NTRK2: variants seen among roughly 807,000 people sequenced by gnomAD.
The protein encoded by NTRK2 is BDNF/NT-3 growth factors receptor.
NTRK2 carries 13 observed loss-of-function variants against 94.5 expected under a neutral mutation model. The ratio of observed to expected loss-of-function variants is 0.14; its 90% CI spans 0.09 to 0.22. NTRK2 has a LOEUF of 0.22. NTRK2 is among the 10% of genes least tolerant of loss of function. The probability of loss-of-function intolerance (pLI) is 1.00; values close to 1 mark genes in which losing one functional copy is unlikely to be tolerated. For synonymous variants in NTRK2, 372 were observed against 407.4 expected, an observed-to-expected ratio of 0.91 and a Z score of 1.05; for missense variants, 639 against 1,071.2, an observed-to-expected ratio of 0.60 and a Z score of 5.63.
At chr9:84,824,122 G>A (rs898402208) in intron 12 of NTRK2, among the ~76,000 whole-genome samples, 8 of 152,170 alleles carry the variant, frequency 5.3e-5, no homozygotes, top group African/African-American at 1.9e-4. Flanking sequence ...TAGGGAGCTG[G>A]GCTTTCATAT....
intron 17 of NTRK2, among the ~76,000 whole-genome samples, chr9:84,956,458 T>C (rs1213131222): frequency 1.3e-5 from 2 of 152,204 alleles, no homozygotes; most frequent in African/African-American, 2.4e-5. Context: ...TTGTGATATT[T>C]AGAGTGAAGA....
At chr9:84,879,147 A>AGAGAGAGACAGAGAGAGAGT (rs2076179638) in intron 14 of NTRK2, among the ~76,000 whole-genome samples, 1 of 152,132 alleles carries the variant, frequency 6.6e-6, no homozygotes, top group Non-Finnish European at 1.5e-5. Context: ...AGAGAGAGAG[A>AGAGAGAGACAGAGAGAGAGT]GAGAGAGACA....
intron 9 of NTRK2, among the ~76,000 whole-genome samples, chr9:84,739,760 C>T (rs946410834): frequency 4.6e-5 from 7 of 152,128 alleles, no homozygotes; most frequent in African/African-American, 1.7e-4. Context: ...GCCCTCAGTC[C>T]TGGGCAGATG....
At chr9:84,681,367 C>T (rs2131397420) in intron 2 of NTRK2, among the ~76,000 whole-genome samples, 1 of 152,324 alleles carries the variant, frequency 6.6e-6, no homozygotes, top group African/African-American at 2.4e-5. Context: ...TACACTCATT[C>T]ACATATTACG....
At chr9:84,938,856 G>C (rs980432308) in intron 15 of NTRK2, among the ~76,000 whole-genome samples, 3 of 152,034 alleles carry the variant, frequency 2.0e-5, no homozygotes, top group African/African-American at 7.2e-5. Context: ...TTCAAGACCA[G>C]CCTGGGCAAC....
chr9:84,783,944 A>T (rs1252274398), intron 12 of NTRK2, among the ~76,000 whole-genome samples: 1 of 152,072 alleles, frequency 6.6e-6, no homozygotes, highest in African/African-American at 2.4e-5. Flanking sequence ...GCATGAGGAG[A>T]TGGAGGTTGG....
intron 17 of NTRK2, among the ~76,000 whole-genome samples, chr9:84,997,147 T>G (rs1273267550): frequency 6.6e-6 from 1 of 152,120 alleles, no homozygotes; most frequent in Non-Finnish European, 1.5e-5. Flanking sequence ...GATTTCATAG[T>G]GTAGGATTTA....
chr9:84,934,123 T>C (rs1041222379), intron 14 of NTRK2, 39 bp from the exon 15 acceptor site: 7 of 1,612,706 alleles, frequency 4.3e-6, no homozygotes, highest in Non-Finnish European at 5.9e-6. Flanking sequence ...CACCTCCACA[T>C]GCTTCAATTC....
chr9:84,964,497 T>TG (rs1428603307), intron 17 of NTRK2, among the ~76,000 whole-genome samples: 3 of 152,220 alleles, frequency 2.0e-5, no homozygotes, highest in Non-Finnish European at 4.4e-5. Context: ...ATGCACGCAC[T>TG]GATCAGAACT....
rs2075954097 is a variant in NTRK2 at position 84,873,567 on chromosome 9, TAAG to T, written c.1633+6140_1633+6142del. 2.8e-6 allele frequency: 3 copies of T among 1,053,842 alleles called. No individual in the cohort carries two copies. The South Asian group carries it at 1.4e-4, about 48-fold the overall frequency. The allele number at this position is 1,053,842 out of a possible 1,614,324, so 65.3% of individuals were successfully genotyped here. Reference sequence around the variant, plus strand: ...CCCTTTTCAACTCCAAAGGAGATGATAAGAAGCTATCAAATAATGCTTTAAAAA... The same window carrying T: ...CCCTTTTCAACTCCAAAGGAGATGATAAGCTATCAAATAATGCTTTAAAAA... On this transcript the variant is annotated intron_variant, in intron 14 of 18. Transcript: ENST00000277120.
intron 12 of NTRK2, among the ~76,000 whole-genome samples, chr9:84,757,196 G>A (rs2065159564): frequency 6.6e-6 from 1 of 151,998 alleles, no homozygotes; most frequent in South Asian, 2.1e-4. Flanking sequence ...AATTAGAATG[G>A]TAACAATTGA....
At chr9:84,849,037 T>C (rs1772487409) in intron 12 of NTRK2, among the ~76,000 whole-genome samples, 1 of 152,200 alleles carries the variant, frequency 6.6e-6, no homozygotes, top group African/African-American at 2.4e-5. Flanking sequence ...TAGGCATACA[T>C]ATTGGAGTCT....
chr9:84,972,732 G>A (rs1826328901), intron 17 of NTRK2, among the ~76,000 whole-genome samples: 1 of 151,996 alleles, frequency 6.6e-6, no homozygotes, highest in Admixed American at 6.5e-5. Context: ...TTTTGAAGAT[G>A]GTGTCTTAAG....
intron 17 of NTRK2, among the ~76,000 whole-genome samples, chr9:84,991,127 C>A (rs933533562): frequency 6.6e-6 from 1 of 152,202 alleles, no homozygotes; most frequent in African/African-American, 2.4e-5. Flanking sequence ...CTTATATTGA[C>A]ACATTTCCTC....
At chr9:84,819,955 CAT>C (rs1478270560) in intron 12 of NTRK2, among the ~76,000 whole-genome samples, 1 of 152,062 alleles carries the variant, frequency 6.6e-6, no homozygotes, top group African/African-American at 2.4e-5. Context: ...AACCCTGAGA[CAT>C]ATGTTATATT....
intron 12 of NTRK2, among the ~76,000 whole-genome samples, chr9:84,781,544 T>C (rs1240195311): frequency 1.3e-5 from 2 of 152,226 alleles, no homozygotes; most frequent in Non-Finnish European, 2.9e-5. Context: ...TAATAAATAA[T>C]GTATTTTAGT....
At chr9:84,749,035 C>T (rs2064347409) in intron 11 of NTRK2, among the ~76,000 whole-genome samples, 2 of 152,092 alleles carry the variant, frequency 1.3e-5, no homozygotes. Context: ...TCGAGACCAG[C>T]TTGACCAACA....
At chr9:84,696,630 CAT>C (rs1053106222) in intron 2 of NTRK2, among the ~76,000 whole-genome samples, 5 of 152,144 alleles carry the variant, frequency 3.3e-5, no homozygotes, top group Admixed American at 1.3e-4. Flanking sequence ...CAGGTAGACT[CAT>C]AGAAAAATAA....
intron 15 of NTRK2, among the ~76,000 whole-genome samples, chr9:84,947,180 T>C (rs1210697687): frequency 2.0e-5 from 3 of 152,172 alleles, no homozygotes; most frequent in African/African-American, 4.8e-5. Context: ...GATCTCGAAC[T>C]CCTGACCTTG....
Sources: gnomAD v4.1 joint callset for allele counts (sites outside exome capture counted in the v4.1 genomes callset) on GRCh38, gnomAD v4.1.1 for gene constraint, MANE v1.5 for transcripts, NCBI Gene and HGNC (gene_info 2026-07-23, HGNC 2026-07-21) for gene names.